Variants in DYRK3 observed in about 807,000 individuals in gnomAD.
The protein encoded by DYRK3 is dual specificity tyrosine phosphorylation regulated kinase 3.
In DYRK3, 30 loss-of-function variants were observed where a neutral mutation model predicts 40.8. That is an observed-to-expected ratio of 0.74 (90% CI 0.55 to 1.00). The LOEUF is 1.00. DYRK3 is among the 50% of genes least tolerant of loss of function. The pLI is 0.00. For synonymous variants in DYRK3, 272 were observed against 260.7 expected (o/e 1.04, Z -0.42); for missense variants, 699 against 731.5 (o/e 0.96, Z 0.51).
rs1272333108 is a variant in DYRK3 at position 206,635,761 on chromosome 1, C to G, written c.58C>G (p.Leu20Val). ...GGATGCGGGGCCGCCTGGGGCCGGGCTCCCGCCCCAGCAGCGGAGGTAACG... is the reference window on the plus strand; with the variant it reads ...GGATGCGGGGCCGCCTGGGGCCGGGGTCCCGCCCCAGCAGCGGAGGTAACG... ...RKDAGPPGAG[L>V]PPQQRRLGDG... The change falls in exon 1 of 3, where the codon CTC becomes GTC. Residue 20 changes from leucine (L) to valine (V), a missense_variant. Physicochemically the swap from Leu to Val is conservative, Grantham distance 32. Transcript: ENST00000367109. The G allele has an allele frequency of 8.0e-7, 1 of 1,244,820 alleles. No individual in the cohort carries two copies. Among genetic ancestry groups the G allele is most frequent in the Non-Finnish European group, 1.0e-6 (1 of 989,172 alleles). The allele number at this position is 1,244,820 out of a possible 1,614,324, so 77.1% of individuals were successfully genotyped here.
Position 206,647,807 on chromosome 1 carries a change from C to T in DYRK3, c.609C>T (p.Asp203=), listed in dbSNP as rs200847742. 1 of 1,614,088 alleles carries T rather than the reference C, an allele frequency of 6.2e-7. No individual in the cohort carries two copies. The highest frequency in any genetic ancestry group is 2.2e-5 in the East Asian group (1 of 44,874). The change falls in exon 3 of 3, where the codon GAC becomes GAT. Residue 203 remains aspartate (D), a synonymous_variant. Transcript: ENST00000367109. ...ADGAYIHVPR[D]HLAYRYEVLK... ...GGGCCTATATTCATGTACCTCGAGA[C>T]CATCTAGCTTATCGATATGAGGTGC...
Position 206,637,761 on chromosome 1 carries a change from T to C in DYRK3, c.189T>C (p.Asn63=), listed in dbSNP as rs201787386. The change falls in exon 2 of 3, where the codon AAT becomes AAC. Residue 63 remains asparagine (N), a splice_region_variant and synonymous_variant. Transcript: ENST00000367109. Reference sequence around the variant, plus strand: ...AACCACCTCCACCCAGAAGACTAAATGTAAGTAAAAGAAGTCATTCTTTGT... The same window carrying C: ...AACCACCTCCACCCAGAAGACTAAACGTAAGTAAAAGAAGTCATTCTTTGT... ...PSEPPPPRRL[N]MTTEQFTGDH... 62 of 1,606,890 alleles carry C rather than the reference T, an allele frequency of 3.9e-5. No individual in the cohort carries two copies. Among genetic ancestry groups the C allele is most frequent in the Non-Finnish European group, 5.1e-5 (60 of 1,173,972 alleles).
intron 2 of DYRK3, among the ~76,000 whole-genome samples, chr1:206,645,562 G>A (rs1671427323): frequency 6.6e-6 from 1 of 151,996 alleles, no homozygotes; most frequent in Non-Finnish European, 1.5e-5. Context: ...TGCCAAGGCT[G>A]GAATGCAGTA....
chr1:206,642,710 A>T (rs1553419514), intron 2 of DYRK3, among the ~76,000 whole-genome samples: 3 of 152,176 alleles, frequency 2.0e-5, no homozygotes, highest in East Asian at 1.9e-4. Context: ...TCTCACTCAT[A>T]GGTGCGAATT....
At position 206,651,666 on chromosome 1, in the gene DYRK3, G is replaced by A. The variant is rs921330157; in HGVS notation, c.*2701G>A. 6.6e-6 allele frequency among the ~76,000 whole-genome samples: 1 copy of A among 152,022 alleles called. No individual in the cohort carries two copies. Among genetic ancestry groups the A allele is most frequent in the Non-Finnish European group, 1.5e-5 (1 of 67,994 alleles). On this transcript the variant is annotated 3_prime_UTR_variant, in exon 3 of 3. Coordinates refer to ENST00000367109, the MANE Select transcript of DYRK3 (RefSeq NM_003582.4). ...ACAAAGCATGAGTTATTTTTATATC[G>A]AGTCCTTGAACTGCTAGCCAGGTAG...
intron 2 of DYRK3, among the ~76,000 whole-genome samples, chr1:206,639,922 T>A (rs1328703966): frequency 6.7e-6 from 1 of 149,680 alleles, no homozygotes; most frequent in Non-Finnish European, 1.5e-5. Context: ...TACTCATTAC[T>A]CATTTCTTTT....
chr1:206,649,858 C>T lies in DYRK3; in HGVS notation c.*893C>T, dbSNP rs934970417. ...TCTTCCTTATAAAAGTAATCACTCT[C>T]GGATAAACCTTACTACAGTTTAAAA... On this transcript the variant is annotated 3_prime_UTR_variant, in exon 3 of 3. Coordinates refer to ENST00000367109, the MANE Select transcript of DYRK3 (RefSeq NM_003582.4). Among the ~76,000 whole-genome samples, 10 of 152,316 alleles carry T rather than the reference C, an allele frequency of 6.6e-5. No individual in the cohort carries two copies. The East Asian group carries it at 1.3e-3, about 21-fold the overall frequency.
rs1439907853 is a variant in DYRK3 at position 206,648,152 on chromosome 1, C to T, written c.954C>T (p.Ser318=). The T allele has an allele frequency of 6.2e-7, 1 of 1,614,106 alleles. No homozygotes were observed. The highest frequency in any genetic ancestry group is 8.5e-7 in the Non-Finnish European group (1 of 1,180,016). Residue 318 remains serine (S), a synonymous_variant, in exon 3 of 3, where the codon TCC becomes TCT. Transcript: ENST00000367109. Reference sequence around the variant, plus strand: ...AGTTGGTACGCAAGTTTGCCCAGTCCATCTTGCAATCTTTGGATGCCCTCC... The same window carrying T: ...AGTTGGTACGCAAGTTTGCCCAGTCTATCTTGCAATCTTTGGATGCCCTCC... The part of the protein sequence containing the change: ...SVQLVRKFAQ[S]ILQSLDALHK...
intron 2 of DYRK3, among the ~76,000 whole-genome samples, chr1:206,647,123 A>G (rs1303392172): frequency 6.6e-6 from 1 of 152,036 alleles, no homozygotes; most frequent in Non-Finnish European, 1.5e-5. Flanking sequence ...GGAACCTGGC[A>G]TGTGGGGGGC....
chr1:206,636,614 A>G (rs782773534), intron 1 of DYRK3, among the ~76,000 whole-genome samples: 9 of 150,938 alleles, frequency 6.0e-5, no homozygotes, highest in Non-Finnish European at 1.2e-4. Context: ...TAACACATCT[A>G]TAAAGAAAAC....
chr1:206,649,006 T>G lies in DYRK3; in HGVS notation c.*41T>G, dbSNP rs782012801. ...CCAGAGATGCATATGTGTATATTTT[T>G]ATGATCTTACAAACCTGCAAATGGA... On this transcript the variant is annotated 3_prime_UTR_variant, in exon 3 of 3. Coordinates refer to ENST00000367109, the MANE Select transcript of DYRK3 (RefSeq NM_003582.4). 5.2e-6 allele frequency: 8 copies of G among 1,524,868 alleles called. No individual in the cohort carries two copies. The South Asian group carries it at 1.0e-4, about 19-fold the overall frequency. The allele number at this position is 1,524,868 out of a possible 1,614,324, so 94.5% of individuals were successfully genotyped here. A position where few individuals can be genotyped will look rare whatever the true frequency, so the allele number is the denominator to read the frequency against.
Position 206,648,525 on chromosome 1 carries a change from A to G in DYRK3, c.1327A>G (p.Ile443Val). Residue 443 changes from isoleucine (I) to valine (V), a missense_variant, in exon 3 of 3, where the codon ATT becomes GTT. Ile to Val is a conservative substitution (Grantham distance 29). Transcript: ENST00000367109. ...LEQSKRAKYF[I>V]NSKGIPRYCS... is the part of the protein sequence containing the mutation. Reference sequence around the variant, plus strand: ...GCAATCCAAACGTGCCAAGTACTTTATTAATTCCAAGGGCATACCCCGCTA... The same window carrying G: ...GCAATCCAAACGTGCCAAGTACTTTGTTAATTCCAAGGGCATACCCCGCTA... 6.2e-7 allele frequency: 1 copy of G among 1,614,184 alleles called. No homozygotes were observed. The highest frequency in any genetic ancestry group is 1.1e-5 in the South Asian group (1 of 91,082).
chr1:206,643,346 T>C lies in DYRK3; in HGVS notation c.190-4042T>C, dbSNP rs542474857. Among the ~76,000 whole-genome samples, 36 of 152,344 alleles carry C rather than the reference T, an allele frequency of 2.4e-4. No homozygotes were observed. In the South Asian group the frequency reaches 7.5e-3, roughly 32 times the overall value. ...GGGATTCTAAGTGACATCTTTAATA[T>C]TATTGTAATAGTTCTATGGAAATTA... On this transcript the variant is annotated intron_variant, in intron 2 of 2. Transcript: ENST00000367109.
At chr1:206,641,469 C>T (rs1553419348) in intron 2 of DYRK3, among the ~76,000 whole-genome samples, 1 of 149,600 alleles carries the variant, frequency 6.7e-6, no homozygotes, top group Non-Finnish European at 1.5e-5. Context: ...ACCATAATTT[C>T]TTTATCTACT....
chr1:206,645,575 G>A (rs570129706), intron 2 of DYRK3, among the ~76,000 whole-genome samples: 2 of 151,946 alleles, frequency 1.3e-5, no homozygotes, highest in Non-Finnish European at 2.9e-5. Flanking sequence ...ATGCAGTAGC[G>A]TGATCTTGGC....
In DYRK3 at chr1:206,650,319, C is replaced by T. The variant is rs2102347712; in HGVS notation, c.*1354C>T. Among the ~76,000 whole-genome samples, 1 of 152,330 alleles carries T rather than the reference C, an allele frequency of 6.6e-6. No individual in the cohort carries two copies. On this transcript the variant is annotated 3_prime_UTR_variant, in exon 3 of 3. Transcript: ENST00000367109. The stretch of plus-strand genomic sequence containing the variant: ...TAGTGGCTCATGCCTGTAATCCCAG[C>T]ACTTTGGGAGGCTGAGGTGGGTGGA...
At chr1:206,636,160 G>A (rs373906046) in intron 1 of DYRK3, 11 of 960,188 alleles carry the variant, frequency 1.1e-5, no homozygotes, top group Admixed American at 5.7e-5. Context: ...TGCTTAGAGC[G>A]GATAACCAAC....
chr1:206,648,746 A>G lies in DYRK3; in HGVS notation c.1548A>G (p.Ala516=), dbSNP rs979281038. 1.2e-6 allele frequency: 2 copies of G among 1,614,120 alleles called. No individual in the cohort carries two copies. Among genetic ancestry groups the G allele is most frequent in the Middle Eastern group, 1.7e-4 (1 of 6,060 alleles). Residue 516 remains alanine, a synonymous_variant, in exon 3 of 3, where the codon GCA becomes GCG. Transcript: ENST00000367109. ...CTGCCCGCTTGACCCCAGCTCAAGC[A>G]TTAAGACACCCTTGGATTAGCAAGT... ...DPSARLTPAQ[A]LRHPWISKSV...
chr1:206,644,896 A>G (rs1237259216), intron 2 of DYRK3, among the ~76,000 whole-genome samples: 12 of 152,170 alleles, frequency 7.9e-5, no homozygotes, highest in Non-Finnish European at 1.8e-4. Flanking sequence ...ATAGTTTTCT[A>G]TTTTGGTATC....
Sources: allele counts gnomAD v4.1 joint callset (sites outside exome capture counted in the v4.1 genomes callset), GRCh38; gene constraint gnomAD v4.1.1; transcripts MANE v1.5; gene names NCBI Gene and HGNC (gene_info 2026-07-23, HGNC 2026-07-21).